COL9A1: variants seen among roughly 807,000 people sequenced by gnomAD.
The protein encoded by COL9A1 is collagen type IX alpha 1 chain.
COL9A1 carries 104 observed loss-of-function variants against 142.6 expected under a neutral mutation model. The ratio of observed to expected loss-of-function variants is 0.73; its 90% CI spans 0.62 to 0.86. The LOEUF (loss-of-function observed/expected upper bound fraction) is 0.86, where lower values mean the gene tolerates loss of function less well. Ranked by LOEUF, COL9A1 falls within the 40% of genes least tolerant of loss-of-function variation. COL9A1 has a pLI of 0.00. For missense variants in COL9A1, 1,210 were observed against 1,176.6 expected (o/e 1.03, Z -0.42); for synonymous variants, 466 against 396.0 (o/e 1.18, Z -2.10).
intron 4 of COL9A1, among the ~76,000 whole-genome samples, chr6:70,295,341 C>T (rs1036935681): frequency 2.4e-5 from 3 of 125,066 alleles, no homozygotes; most frequent in Non-Finnish European, 4.7e-5. Context: ...GGCTGGAGTG[C>T]AATGGCGCCA....
At position 70,280,540 on chromosome 6, in the gene COL9A1, C is replaced by G. The variant is rs1021546529; in HGVS notation, c.975+272G>C. 3.4e-5 allele frequency: 47 copies of G among 1,385,854 alleles called. No homozygotes were observed. In the South Asian group the frequency reaches 5.9e-4, roughly 18 times the overall value. The allele number at this position is 1,385,854 out of a possible 1,614,324, so 85.8% of individuals were successfully genotyped here. ...GTTCACAGCGTGCACTGTGAGGTCA[C>G]GGTTAGAGACAGGAAGCCAGTACCC... On this transcript the variant is annotated intron_variant, in intron 10 of 37. Coordinates refer to ENST00000357250, the MANE Select transcript of COL9A1 (RefSeq NM_001851.6).
intron 5 of COL9A1, 61 bp downstream of exon 5, chr6:70,294,106 T>C (rs1366950938): frequency 8.8e-6 from 14 of 1,590,222 alleles, no homozygotes; most frequent in African/African-American, 1.3e-5. Flanking sequence ...ATGCTTGAGA[T>C]GTTCATTTTT....
intron 32 of COL9A1, 137 bp from the exon 33 acceptor site, chr6:70,239,423 T>C (rs1401433681): frequency 9.3e-6 from 6 of 644,910 alleles, no homozygotes; most frequent in Non-Finnish European, 1.7e-5. Context: ...AAAAAAATAT[T>C]AGACTCCAAT....
At chr6:70,267,016 T>C (rs1772058448) in intron 17 of COL9A1, among the ~76,000 whole-genome samples, 1 of 152,212 alleles carries the variant, frequency 6.6e-6, no homozygotes. Flanking sequence ...AGTTCAGCAA[T>C]GTGATTCATT....
At position 70,270,329 on chromosome 6, in the gene COL9A1, G is replaced by A. The variant is rs1135052; in HGVS notation, c.1182C>T (p.Gly394=). ...AATAACTTACTCTGGGTCCTGGGGGGCCAGGGGGGCCAGGTGGTCCTCTTC... is the reference window on the plus strand; with the variant it reads ...AATAACTTACTCTGGGTCCTGGGGGACCAGGGGGGCCAGGTGGTCCTCTTC... ...PGRRGPPGPP[G]PPGPRGTIGF... The change falls in exon 15 of 38, where the codon GGC becomes GGT. Residue 394 remains glycine, a synonymous_variant. Transcript: ENST00000357250. 5.8e-5 allele frequency: 93 copies of A among 1,613,470 alleles called. No homozygotes were observed. Among genetic ancestry groups the A allele is most frequent in the Middle Eastern group, 1.7e-4 (1 of 6,060 alleles).
At chr6:70,250,420 T>C (rs896151941) in intron 28 of COL9A1, among the ~76,000 whole-genome samples, 19 of 152,190 alleles carry the variant, frequency 1.2e-4, no homozygotes, top group Non-Finnish European at 2.8e-4. Context: ...AGTTAACTTG[T>C]GGAAAGTATT....
chr6:70,287,237 G>T (rs1168357926), intron 5 of COL9A1, among the ~76,000 whole-genome samples: 1 of 152,104 alleles, frequency 6.6e-6, no homozygotes, highest in African/African-American at 2.4e-5. Flanking sequence ...ATATAGAGAA[G>T]AGACCAAATT....
chr6:70,244,153 T>G (rs1271958496), intron 28 of COL9A1, among the ~76,000 whole-genome samples: 1 of 152,252 alleles, frequency 6.6e-6, no homozygotes, highest in African/African-American at 2.4e-5. Flanking sequence ...AATAATTTCA[T>G]AGTAGTCATT....
intron 5 of COL9A1, among the ~76,000 whole-genome samples, chr6:70,291,835 A>G (rs1370652537): frequency 6.6e-6 from 1 of 152,154 alleles, no homozygotes; most frequent in Non-Finnish European, 1.5e-5. Flanking sequence ...GCAGAAGATA[A>G]GGTAGATTAG....
In COL9A1 at chr6:70,227,424, T is replaced by TAAAAAAAAAAAAAAAAAAAAAAAAAA. The variant is rs11407353; in HGVS notation, c.2504-1416_2504-1415insTTTTTTTTTTTTTTTTTTTTTTTTTT. 2.0e-4 allele frequency among the ~76,000 whole-genome samples: 10 copies of TAAAAAAAAAAAAAAAAAAAAAAAAAA among 50,030 alleles called. No homozygotes were observed. The East Asian group carries it at 2.0e-3, about 10-fold the overall frequency. 32.8% of individuals were successfully genotyped at this position (50,030 alleles called of 152,430 possible). On this transcript the variant is annotated intron_variant, in intron 36 of 37. Coordinates refer to ENST00000357250, the MANE Select transcript of COL9A1 (RefSeq NM_001851.6). ...CTCATAACAAAATAAATGCAAATTG[T>TAAAAAAAAAAAAAAAAAAAAAAAAAA]AAAAAAAAAAAAAAAAAAAAAAAAG...
chr6:70,238,035 G>A (rs867908311), intron 33 of COL9A1, among the ~76,000 whole-genome samples: 22 of 152,218 alleles, frequency 1.4e-4, no homozygotes, highest in East Asian at 3.8e-4. Flanking sequence ...GATGAGGTTC[G>A]TGGAGCAAAG....
At chr6:70,271,921 T>C (rs1772425809) in intron 13 of COL9A1, 144 bp downstream of exon 13, 3 of 935,366 alleles carry the variant, frequency 3.2e-6, no homozygotes, top group Non-Finnish European at 5.1e-6. Context: ...ATAAGGGTGT[T>C]ATCCTTAGTA....
chr6:70,281,137 A>T (rs760228835), intron 8 of COL9A1, 98 bp from the exon 9 acceptor site: 93 of 1,076,360 alleles, frequency 8.6e-5, no homozygotes, highest in Non-Finnish European at 1.3e-4. Flanking sequence ...ACAGATGGGG[A>T]TGGTGTAAGG....
intron 26 of COL9A1, 165 bp downstream of exon 26, chr6:70,253,220 A>G: frequency 1.9e-6 from 1 of 538,196 alleles, no homozygotes; most frequent in South Asian, 2.8e-5. Flanking sequence ...TTCTGTAGCT[A>G]GGAAAAAGAT....
chr6:70,252,238 A>G (rs1770988872), intron 27 of COL9A1, 24 bp downstream of exon 27: 2 of 1,614,052 alleles, frequency 1.2e-6, no homozygotes, highest in Non-Finnish European at 1.7e-6. Flanking sequence ...TTAGAACTTC[A>G]GGAGAGGTAA....
At position 70,296,067 on chromosome 6, in the gene COL9A1, A is replaced by T. The variant is rs1029791410; in HGVS notation, c.300-1504T>A. Among the ~76,000 whole-genome samples, 10 of 152,242 alleles carry T rather than the reference A, an allele frequency of 6.6e-5. No individual in the cohort carries two copies. The East Asian group carries it at 1.5e-3, about 24-fold the overall frequency. On this transcript the variant is annotated intron_variant, in intron 4 of 37. Transcript: ENST00000357250. ...TCTTTACTTTGATTTTAATTATAAA[A>T]CTTTATTATGTCTTATAACAACATA...
intron 31 of COL9A1, among the ~76,000 whole-genome samples, 158 bp from the exon 32 acceptor site, chr6:70,240,891 T>C (rs1301830005): frequency 6.7e-6 from 1 of 149,820 alleles, no homozygotes; most frequent in Non-Finnish European, 1.5e-5. Context: ...TAGCTGTCAG[T>C]GGTTAGTCCC....
At chr6:70,278,739 C>A (rs984943780) in intron 10 of COL9A1, among the ~76,000 whole-genome samples, 6 of 152,150 alleles carry the variant, frequency 3.9e-5, no homozygotes, top group African/African-American at 1.2e-4. Flanking sequence ...TGTGGGTCTG[C>A]AAATATAGAC....
rs1315396323 is a variant in COL9A1 at position 70,253,494 on chromosome 6, CCACTGCA to C, written c.1720-72_1720-66del. On this transcript the variant is annotated intron_variant, in intron 25 of 37. Coordinates refer to ENST00000357250, the MANE Select transcript of COL9A1 (RefSeq NM_001851.6). ...TCTGAGAATCCATGAGATGCCAAGCCCACTGCACACTGCAGGGAGGCTGAGGGAATCA... is the reference window on the plus strand; with the variant it reads ...TCTGAGAATCCATGAGATGCCAAGCCCACTGCAGGGAGGCTGAGGGAATCA... 10 of 1,099,800 alleles carry C rather than the reference CCACTGCA, an allele frequency of 9.1e-6. No homozygotes were observed. The Admixed American group carries it at 1.7e-4, about 19-fold the overall frequency. The allele number at this position is 1,099,800 out of a possible 1,614,324, so 68.1% of individuals were successfully genotyped here. A position where few individuals can be genotyped will look rare whatever the true frequency, so the allele number is the denominator to read the frequency against.
Sources: allele counts gnomAD v4.1 joint callset (sites outside exome capture counted in the v4.1 genomes callset), GRCh38; gene constraint gnomAD v4.1.1; transcripts MANE v1.5; gene names NCBI Gene and HGNC (gene_info 2026-07-23, HGNC 2026-07-21).